The following LYST variants were observed in gnomAD, a reference collection of about 807,000 sequenced individuals.
The protein encoded by LYST is lysosomal trafficking regulator.
A neutral mutation model predicts 413.6 loss-of-function variants in LYST; 192 were observed. That is an observed-to-expected ratio of 0.46 (90% CI 0.41 to 0.52). The LOEUF is 0.52. Among genes scored for constraint, LYST ranks in the 20% least tolerant of loss-of-function variants. The pLI, the probability that LYST is intolerant of heterozygous loss-of-function variation, is 0.00. For missense variants in LYST, 3,815 were observed against 4,499.9 expected (o/e 0.85, Z 4.35); for synonymous variants, 1,525 against 1,567.3 (o/e 0.97, Z 0.64).
At chr1:235,838,543 CTA>C (rs754079124) in intron 1 of LYST, among the ~76,000 whole-genome samples, 53 of 152,162 alleles carry the variant, frequency 3.5e-4, no homozygotes, top group Non-Finnish European at 7.2e-4. Flanking sequence ...AAAATGATCT[CTA>C]GAGTCTTTTG....
chr1:235,843,141 G>A (rs1009839813), intron 1 of LYST, among the ~76,000 whole-genome samples: 6 of 151,952 alleles, frequency 3.9e-5, no homozygotes, highest in African/African-American at 1.5e-4. Context: ...AGGTGGCTGA[G>A]TTTCCTTTTC....
Position 235,733,507 on chromosome 1 carries a change from CAT to C in LYST, c.8795_8796del (p.His2932ArgfsTer2). 6.2e-7 allele frequency: 1 copy of C among 1,613,460 alleles called. No homozygotes were observed. Among genetic ancestry groups the C allele is most frequent in the Non-Finnish European group, 8.5e-7 (1 of 1,179,442 alleles). On this transcript the variant is annotated frameshift_variant, in exon 34 of 53. Transcript: ENST00000389793. LOFTEE classifies it high-confidence loss of function. Reference sequence around the variant, plus strand: ...AACTGACCTCCCGCAGCTTACCTATCATGTGTCAGCTGCTGAATAAGTTCCTG... The same window carrying C: ...AACTGACCTCCCGCAGCTTACCTATCGTGTCAGCTGCTGAATAAGTTCCTG... ...HWQELIQQLT[H>X]DRAVWYDPIY...
In LYST at chr1:235,680,709, C is replaced by T. The variant is rs182992238; in HGVS notation, c.10801-3090G>A. ...CACCTCCTGGGTTCAAGTGATTCTC[C>T]TGCCTCAGCTTCCTGAGTAGCTGGA... On this transcript the variant is annotated intron_variant, in intron 48 of 52. Coordinates refer to ENST00000389793, the MANE Select transcript of LYST (RefSeq NM_000081.4). Among the ~76,000 whole-genome samples the T allele has an allele frequency of 2.5e-3, 380 of 152,188 alleles. 2 individuals are homozygous for T. Among genetic ancestry groups the T allele is most frequent in the African/African-American group, 8.6e-3 (357 of 41,524 alleles).
chr1:235,810,588 A>G (rs1553308163), intron 4 of LYST, 54 bp from the exon 5 acceptor site: 3 of 1,491,718 alleles, frequency 2.0e-6, no homozygotes, highest in South Asian at 1.1e-5. Flanking sequence ...TTAAAACTCA[A>G]TTTTAAGGTG....
At chr1:235,775,149 G>T in intron 17 of LYST, 63 bp from the exon 18 acceptor site, 3 of 1,180,700 alleles carry the variant, frequency 2.5e-6, no homozygotes, top group Non-Finnish European at 3.8e-6. Flanking sequence ...AATTTAACAT[G>T]TATAATCTTC....
At position 235,810,397 on chromosome 1, in the gene LYST, GA is replaced by G; in HGVS notation, c.420del (p.Arg141GlufsTer15). 6.2e-7 allele frequency: 1 copy of G among 1,611,486 alleles called. No homozygotes were observed. Among genetic ancestry groups the G allele is most frequent in the Non-Finnish European group, 8.5e-7 (1 of 1,179,120 alleles). On this transcript the variant is annotated frameshift_variant, in exon 5 of 53. Transcript: ENST00000389793. LOFTEE classifies it high-confidence loss of function. ...ATTTTACGCTGTCGTCTGCTTTTTC[GA>G]AAAACATTTACTTTTGCAGAAACCT... The part of the protein sequence containing the change: ...SSQVSAKVNV[F>X]RKSRRQRKIT...
intron 43 of LYST, among the ~76,000 whole-genome samples, chr1:235,711,353 T>C (rs539918699): frequency 6.6e-6 from 1 of 152,326 alleles, no homozygotes; most frequent in African/African-American, 2.4e-5. Flanking sequence ...ATGAATCTAC[T>C]GATGATTCAA....
At chr1:235,708,661 C>T (rs1299986257) in intron 44 of LYST, among the ~76,000 whole-genome samples, 1 of 152,202 alleles carries the variant, frequency 6.6e-6, no homozygotes, top group South Asian at 2.1e-4. Context: ...GATTCCCTGG[C>T]AGACAACATT....
At chr1:235,800,751 C>G in intron 9 of LYST, 120 bp downstream of exon 9, 1 of 717,116 alleles carries the variant, frequency 1.4e-6, no homozygotes, top group South Asian at 1.8e-5. Context: ...CCTGAGGTAC[C>G]AGAAAAGATA....
rs762866034 is a variant in LYST, at chr1:235,674,709, A to C, written c.11038+2382T>G. ...AATAGCCCTTAACATAATATTGGCC[A>C]AAAAGGGCGGGGTCTGTGTCATGAT... On this transcript the variant is annotated intron_variant, in intron 50 of 52. Coordinates refer to ENST00000389793, the MANE Select transcript of LYST (RefSeq NM_000081.4). This position sits in a 1 kb window ranked among gnomAD's most constrained non-coding sequence, Gnocchi z 4.1. Among the ~76,000 whole-genome samples, 13 of 152,206 alleles carry C rather than the reference A, an allele frequency of 8.5e-5. No homozygotes were observed. The highest frequency in any genetic ancestry group is 1.5e-4 in the Non-Finnish European group (10 of 68,028).
In LYST at chr1:235,803,079, A is replaced by G; in HGVS notation, c.3556-15T>C. The G allele has an allele frequency of 6.2e-7, 1 of 1,607,560 alleles. No homozygotes were observed. The highest frequency in any genetic ancestry group is 1.7e-4 in the Middle Eastern group (1 of 6,038). ...GATTGATGACTCTATAAATCAGTGT[A>G]ATTCAAAGGTTGTAACATTTGCTTG... is the stretch of plus-strand genomic sequence containing the variant. On this transcript the variant is annotated splice_polypyrimidine_tract_variant and intron_variant, in intron 7 of 52. Transcript: ENST00000389793.
Position 235,720,675 on chromosome 1 carries a change from A to G in LYST, c.9546T>C (p.Asp3182=). Residue 3182 remains aspartate, a synonymous_variant, in exon 40 of 53, where the codon GAT becomes GAC. Transcript: ENST00000389793. ...DYVSETLDLN[D]LLIYRNLSKP... ...TTTTAACTTACCTGTATATCAACAGATCATTGAGGTCAAGTGTCTCACTAA... is the reference window on the plus strand; with the variant it reads ...TTTTAACTTACCTGTATATCAACAGGTCATTGAGGTCAAGTGTCTCACTAA... 6.2e-7 allele frequency: 1 copy of G among 1,613,692 alleles called. No individual in the cohort carries two copies. The highest frequency in any genetic ancestry group is 8.5e-7 in the Non-Finnish European group (1 of 1,179,600).
intron 1 of LYST, among the ~76,000 whole-genome samples, chr1:235,862,715 G>C (rs1012327630): frequency 1.3e-5 from 2 of 151,850 alleles, no homozygotes; most frequent in African/African-American, 4.8e-5. Flanking sequence ...AGAATCGCTT[G>C]AACCTAGGAG....
intron 34 of LYST, among the ~76,000 whole-genome samples, chr1:235,731,692 G>A (rs1664395980): frequency 6.6e-6 from 1 of 151,392 alleles, no homozygotes; most frequent in African/African-American, 2.4e-5. Flanking sequence ...CCAAGTAGCT[G>A]GGATTACAGG....
rs1434658618 is a variant in LYST, at chr1:235,720,642, G to A, written c.9560+19C>T. 4 of 1,611,690 alleles carry A rather than the reference G, an allele frequency of 2.5e-6. No individual in the cohort carries two copies. The highest frequency in any genetic ancestry group is 1.3e-5 in the African/African-American group (1 of 74,874). The stretch of plus-strand genomic sequence containing the variant: ...ATATGGATGGATGAACCCTAAAGGT[G>A]ATGATTCTTTTAACTTACCTGTATA... On this transcript the variant is annotated intron_variant, in intron 40 of 52. Coordinates refer to ENST00000389793, the MANE Select transcript of LYST (RefSeq NM_000081.4).
At chr1:235,798,127 C>G (rs1671758848) in intron 10 of LYST, among the ~76,000 whole-genome samples, 1 of 152,040 alleles carries the variant, frequency 6.6e-6, no homozygotes, top group Non-Finnish European at 1.5e-5. Flanking sequence ...CTGACCAGTA[C>G]CCCTCAAAAC....
At chr1:235,735,687 A>G (rs992547524) in intron 31 of LYST, 4 of 152,176 alleles carry the variant, frequency 2.6e-5, no homozygotes, top group African/African-American at 9.7e-5. Context: ...GAATAGTATT[A>G]AATGTCAGCA....
rs148413735 is a variant in LYST, at chr1:235,849,901, C to G, written c.-97-16234G>C. On this transcript the variant is annotated intron_variant, in intron 1 of 52. Transcript: ENST00000389793. ...ATGACACAAACAAATGGAAACATAT[C>G]CCATGCTCATGGATGGGTAGAATCA... Among the ~76,000 whole-genome samples the G allele has an allele frequency of 4.8e-3, 730 of 151,890 alleles. 1 individual carries two copies. The highest frequency in any genetic ancestry group is 0.01 in the Middle Eastern group (3 of 294).
At chr1:235,872,277 C>T (rs568082351) in intron 1 of LYST, among the ~76,000 whole-genome samples, 8 of 127,754 alleles carry the variant, frequency 6.3e-5, no homozygotes, top group East Asian at 4.6e-4. Flanking sequence ...GCCCAGGCAA[C>T]GGAGTGACAT....
Sources: gnomAD v4.1 joint callset for allele counts (sites outside exome capture counted in the v4.1 genomes callset) on GRCh38, gnomAD v4.1.1 for gene constraint, Gnocchi (gnomAD v3.1) non-coding constraint, MANE v1.5 for transcripts, NCBI Gene and HGNC (gene_info 2026-07-23, HGNC 2026-07-21) for gene names.